The following SECISBP2L variants were observed in gnomAD, a reference collection of about 807,000 sequenced individuals.
SECISBP2L encodes the protein selenocysteine insertion sequence-binding protein 2-like.
A neutral mutation model predicts 114.7 loss-of-function variants in SECISBP2L; 43 were observed. The ratio of observed to expected loss-of-function variants is 0.38; its 90% CI spans 0.29 to 0.48. The LOEUF (loss-of-function observed/expected upper bound fraction) is 0.48, where lower values mean the gene tolerates loss of function less well. SECISBP2L is among the 20% of genes least tolerant of loss of function. SECISBP2L has a pLI of 0.98. For missense variants in SECISBP2L, 1,136 were observed against 1,301.1 expected (o/e 0.87, Z 1.95); for synonymous variants, 451 against 439.7 (o/e 1.03, Z -0.32).
chr15:49,017,427 A>T (rs1902558556), intron 9 of SECISBP2L, 121 bp downstream of exon 9: 1 of 662,214 alleles, frequency 1.5e-6, no homozygotes. Context: ...GGTACTAAAC[A>T]CCATCTCCTG....
Position 49,032,988 on chromosome 15 carries a change from A to G in SECISBP2L, c.641T>C (p.Leu214Pro). 3.1e-6 allele frequency: 5 copies of G among 1,614,050 alleles called. No individual in the cohort carries two copies. Among genetic ancestry groups the G allele is most frequent in the Non-Finnish European group, 4.2e-6 (5 of 1,179,966 alleles). Residue 214 changes from leucine (L) to proline (P), a missense_variant, in exon 4 of 18, where the codon CTG becomes CCG. Coordinates refer to ENST00000559471, the MANE Select transcript of SECISBP2L (RefSeq NM_001193489.2). The part of the protein sequence containing the change: ...GPDSRSKIVL[L>P]VDASQQTDFP... ...ACCAGTTTGCTGTGAAGCATCTACCAGAAGCACAATTTTTGATCGACTATC... is the reference window on the plus strand; with the variant it reads ...ACCAGTTTGCTGTGAAGCATCTACCGGAAGCACAATTTTTGATCGACTATC...
At chr15:49,012,569 A>C in intron 12 of SECISBP2L, 79 bp downstream of exon 12, 1 of 1,461,150 alleles carries the variant, frequency 6.8e-7, no homozygotes, top group South Asian at 1.2e-5. Context: ...TGGCTAAGAC[A>C]CCACAACCTA....
chr15:49,011,277 A>C (rs1902432315), intron 13 of SECISBP2L, among the ~76,000 whole-genome samples: 1 of 152,190 alleles, frequency 6.6e-6, no homozygotes, highest in Non-Finnish European at 1.5e-5. Flanking sequence ...AATCTTATCG[A>C]CCAACTAGAT....
intron 2 of SECISBP2L, among the ~76,000 whole-genome samples, chr15:49,037,181 C>T (rs112287592): frequency 2.1e-5 from 3 of 145,504 alleles, no homozygotes; most frequent in Non-Finnish European, 4.5e-5. Flanking sequence ...TATATGCTAA[C>T]CATGACAGCT....
intron 1 of SECISBP2L, chr15:49,042,673 T>C (rs1228595564): frequency 6.6e-6 from 1 of 152,216 alleles, no homozygotes; most frequent in African/African-American, 2.4e-5. Context: ...TGGTATTTTA[T>C]TATTAACACA....
intron 7 of SECISBP2L, among the ~76,000 whole-genome samples, chr15:49,024,377 T>C (rs1391456181): frequency 6.6e-6 from 1 of 151,276 alleles, no homozygotes; most frequent in Non-Finnish European, 1.5e-5. Flanking sequence ...GCACCTGTAA[T>C]CCCAGCTACT....
At chr15:49,034,028 T>C (rs1902951090) in intron 3 of SECISBP2L, among the ~76,000 whole-genome samples, 3 of 147,632 alleles carry the variant, frequency 2.0e-5, no homozygotes, top group Admixed American at 6.8e-5. Flanking sequence ...TATACTACTA[T>C]CTTATTTCCA....
At chr15:49,016,528 A>G (rs1271246870) in intron 11 of SECISBP2L, 32 bp downstream of exon 11, 2 of 1,569,430 alleles carry the variant, frequency 1.3e-6, no homozygotes, top group African/African-American at 1.4e-5. Flanking sequence ...TAGCAGAGAC[A>G]AACAGCAAAT....
At chr15:49,038,570 A>C (rs951208857) in intron 1 of SECISBP2L, among the ~76,000 whole-genome samples, 1 of 152,136 alleles carries the variant, frequency 6.6e-6, no homozygotes, top group Non-Finnish European at 1.5e-5. Flanking sequence ...GAATCTGGAG[A>C]GCTTCCAGGG....
intron 16 of SECISBP2L, 67 bp from the exon 17 acceptor site, chr15:48,996,653 T>C: frequency 3.0e-6 from 4 of 1,353,190 alleles, no homozygotes; most frequent in South Asian, 1.3e-5. Context: ...TTATGGATAA[T>C]AAATATCTCT....
chr15:49,006,740 T>C (rs1200870410), intron 14 of SECISBP2L, among the ~76,000 whole-genome samples: 1 of 152,100 alleles, frequency 6.6e-6, no homozygotes, highest in Non-Finnish European at 1.5e-5. Context: ...AATTAGAACA[T>C]ACTCCTTTAG....
At chr15:49,024,924 T>C (rs1874100495) in intron 7 of SECISBP2L, among the ~76,000 whole-genome samples, 2 of 152,226 alleles carry the variant, frequency 1.3e-5, no homozygotes, top group Admixed American at 1.3e-4. Context: ...TCTTTTTTGT[T>C]CTTTTAACAT....
chr15:49,003,742 T>C (rs1902258079), intron 14 of SECISBP2L, among the ~76,000 whole-genome samples: 1 of 152,234 alleles, frequency 6.6e-6, no homozygotes, highest in African/African-American at 2.4e-5. Flanking sequence ...GGATTACGTT[T>C]ACTGATTGCC....
intron 3 of SECISBP2L, 26 bp from the exon 4 acceptor site, chr15:49,033,126 C>T (rs777295614): frequency 6.3e-7 from 1 of 1,596,168 alleles, no homozygotes; most frequent in Non-Finnish European, 8.5e-7. Context: ...AACAAAAAAA[C>T]AAAAAACACA....
chr15:49,011,751 T>C lies in SECISBP2L; in HGVS notation c.1844A>G (p.Gln615Arg), dbSNP rs1445842054. Reference sequence around the variant, plus strand: ...CTTACCTTCCTGGGAAACAATCTCCTGTGGCAAGTCATCAATAAAATCTAA... The same window carrying C: ...CTTACCTTCCTGGGAAACAATCTCCCGTGGCAAGTCATCAATAAAATCTAA... ...MHLDFIDDLP[Q>R]EIVSQEDTGL... is the part of the protein sequence containing the mutation. The change falls in exon 13 of 18, where the codon CAG (glutamine) becomes CGG (arginine). Residue 615 changes from glutamine (Q) to arginine (R), a missense_variant. Gln to Arg is a conservative substitution (Grantham distance 43). Transcript: ENST00000559471. The C allele has an allele frequency of 5.0e-6, 8 of 1,613,952 alleles. No individual in the cohort carries two copies. Among genetic ancestry groups the C allele is most frequent in the Non-Finnish European group, 6.8e-6 (8 of 1,179,956 alleles).
chr15:49,028,289 T>C (rs1311723142), intron 5 of SECISBP2L, 121 bp from the exon 6 acceptor site: 26 of 982,616 alleles, frequency 2.6e-5, no homozygotes, highest in South Asian at 3.5e-5. Context: ...ATCATACTTC[T>C]TCATAAATGA....
chr15:49,007,772 A>G (rs1009592335), intron 14 of SECISBP2L, among the ~76,000 whole-genome samples: 5 of 152,184 alleles, frequency 3.3e-5, no homozygotes, highest in African/African-American at 1.2e-4. Flanking sequence ...GGGCTTGGAT[A>G]GATTTCTGGG....
At chr15:48,998,234 G>C (rs533864347) in intron 16 of SECISBP2L, among the ~76,000 whole-genome samples, 1 of 152,310 alleles carries the variant, frequency 6.6e-6, no homozygotes, top group African/African-American at 2.4e-5. Flanking sequence ...AATATAAGTA[G>C]CATCCTTTAT....
chr15:49,031,061 C>CTTTTTTT (rs1566861328), intron 4 of SECISBP2L, among the ~76,000 whole-genome samples: 7 of 77,040 alleles, frequency 9.1e-5, no homozygotes, highest in South Asian at 6.0e-4. Context: ...TTTTTTTTTT[C>CTTTTTTT]CCTTTTGAGA....
Sources: gnomAD v4.1 joint callset for allele counts (sites outside exome capture counted in the v4.1 genomes callset) on GRCh38, gnomAD v4.1.1 for gene constraint, MANE v1.5 for transcripts, NCBI Gene and HGNC (gene_info 2026-07-23, HGNC 2026-07-21) for gene names.